The following DOK7 variants were observed in gnomAD, a reference collection of about 807,000 sequenced individuals.
The protein encoded by DOK7 is protein Dok-7.
DOK7 carries 32 observed loss-of-function variants against 30.7 expected under a neutral mutation model. The ratio of observed to expected loss-of-function variants is 1.04; its 90% CI spans 0.79 to 1.40. The LOEUF (loss-of-function observed/expected upper bound fraction) is 1.40, where lower values mean the gene tolerates loss of function less well. Among genes scored for constraint, DOK7 ranks in the 40% most tolerant of loss-of-function variants. The probability of loss-of-function intolerance (pLI) is 0.00; values close to 1 mark genes in which losing one functional copy is unlikely to be tolerated. For synonymous variants in DOK7, 447 were observed against 324.1 expected (o/e 1.38, Z -4.07); for missense variants, 1,007 against 699.2 (o/e 1.44, Z -4.97).
chr4:3,483,441 A>T (rs943144913), intron 4 of DOK7, among the ~76,000 whole-genome samples: 1 of 151,902 alleles, frequency 6.6e-6, no homozygotes, highest in Non-Finnish European at 1.5e-5. Context: ...CCAGCATTGG[A>T]GATGGGCATC....
intron 2 of DOK7, among the ~76,000 whole-genome samples, chr4:3,470,193 G>A (rs62275885): frequency 3.3e-3 from 509 of 152,282 alleles, no homozygotes; most frequent in Non-Finnish European, 5.6e-3. Context: ...CCCTGCCTCC[G>A]TCCCCATTCA....
At chr4:3,469,538 G>A (rs1041810189) in intron 2 of DOK7, among the ~76,000 whole-genome samples, 2 of 152,162 alleles carry the variant, frequency 1.3e-5, no homozygotes, top group African/African-American at 4.8e-5. Flanking sequence ...ACTCCCAGGT[G>A]CCCAGGCCTC....
intron 2 of DOK7, among the ~76,000 whole-genome samples, chr4:3,468,182 GT>G (rs1230369981): frequency 1.4e-5 from 2 of 144,170 alleles, no homozygotes; most frequent in African/African-American, 5.7e-5. Flanking sequence ...ATACCTGTGT[GT>G]GGGGGTGTGT....
At chr4:3,482,624 G>C (rs1479416334) in intron 4 of DOK7, among the ~76,000 whole-genome samples, 1 of 152,282 alleles carries the variant, frequency 6.6e-6, no homozygotes, top group Non-Finnish European at 1.5e-5. Context: ...AGGGGAAACA[G>C]AGTGGCCGGC....
At chr4:3,491,986 C>T (rs550997236) in intron 6 of DOK7, among the ~76,000 whole-genome samples, 164 of 152,376 alleles carry the variant, frequency 1.1e-3, no homozygotes, top group Middle Eastern at 0.01. Flanking sequence ...GGTCATCTCC[C>T]CTCCTGCCCT....
At chr4:3,498,255 GGGA>G (rs1729021300), downstream of DOK7, among the ~76,000 whole-genome samples, 1 of 152,196 alleles carries the variant, frequency 6.6e-6, no homozygotes, top group Non-Finnish European at 1.5e-5. Flanking sequence ...AGGAGGGGAC[GGGA>G]GGAGGAGCAC....
chr4:3,473,694 C>T (rs866791808), intron 3 of DOK7, 58 bp downstream of exon 3: 1 of 1,465,900 alleles, frequency 6.8e-7, no homozygotes, highest in African/African-American at 1.4e-5. Context: ...GCCGGGGCCC[C>T]TCACCAACGT....
At chr4:3,492,360 G>A (rs1335325264) in intron 6 of DOK7, among the ~76,000 whole-genome samples, 12 of 152,002 alleles carry the variant, frequency 7.9e-5, no homozygotes, top group African/African-American at 2.2e-4. Context: ...GCCTGGGGCC[G>A]TGATGGTGCG....
chr4:3,490,373 TC>T (rs1168218409), intron 6 of DOK7, among the ~76,000 whole-genome samples: 1 of 102,636 alleles, frequency 9.7e-6, no homozygotes, highest in Non-Finnish European at 1.9e-5. Context: ...ATTCCTTCCT[TC>T]CCCCCACCCC....
Position 3,491,340 on chromosome 4 carries a change from T to TG in DOK7, c.773-1419_773-1418insG, listed in dbSNP as rs1560229271. ...TCCCCCTGCTCATTCATTCCTTCCTTCTTCGCCTGCTTGTTCCTTCCTTCC... is the reference window on the plus strand; with the variant it reads ...TCCCCCTGCTCATTCATTCCTTCCTTGCTTCGCCTGCTTGTTCCTTCCTTCC... On this transcript the variant is annotated intron_variant, in intron 6 of 6. Coordinates refer to ENST00000340083, the MANE Select transcript of DOK7 (RefSeq NM_173660.5). Among the ~76,000 whole-genome samples the TG allele has an allele frequency of 1.4e-3, 87 of 62,770 alleles. 1 individual carries two copies. The highest frequency in any genetic ancestry group is 3.1e-3 in the African/African-American group (68 of 21,974). The allele number at this position is 62,770 out of a possible 152,430, so 41.2% of individuals were successfully genotyped here.
chr4:3,498,024 A>G (rs544534209), downstream of DOK7, among the ~76,000 whole-genome samples: 1 of 152,134 alleles, frequency 6.6e-6, no homozygotes, highest in Non-Finnish European at 1.5e-5. Context: ...GAGGATGTGA[A>G]TCTTTTCCAC....
chr4:3,489,628 G>T (rs1304514583), intron 5 of DOK7, 49 bp from the exon 6 acceptor site: 1 of 1,555,800 alleles, frequency 6.4e-7, no homozygotes, highest in Non-Finnish European at 8.7e-7. Context: ...TGCGGGCGAG[G>T]GTGGGCGGTG....
chr4:3,481,095 G>A (rs1253989815), intron 4 of DOK7, among the ~76,000 whole-genome samples: 1 of 152,106 alleles, frequency 6.6e-6, no homozygotes, highest in Non-Finnish European at 1.5e-5. Flanking sequence ...CCTGTTGGGG[G>A]GGATAGGAGG....
chr4:3,468,183 TG>T (rs201196230), intron 2 of DOK7, among the ~76,000 whole-genome samples: 2 of 145,510 alleles, frequency 1.4e-5, no homozygotes. Flanking sequence ...TACCTGTGTG[TG>T]GGGGTGTGTG....
intron 2 of DOK7, among the ~76,000 whole-genome samples, chr4:3,466,332 G>A (rs556133047): frequency 8.5e-5 from 13 of 152,130 alleles, no homozygotes; most frequent in Non-Finnish European, 1.6e-4. Context: ...CCACGGAGAC[G>A]GCGCAGGAGC....
At position 3,493,569 on chromosome 4, in the gene DOK7, G is replaced by A. The variant is rs1016983781; in HGVS notation, c.*68G>A. On this transcript the variant is annotated 3_prime_UTR_variant, in exon 7 of 7. Coordinates refer to ENST00000340083, the MANE Select transcript of DOK7 (RefSeq NM_173660.5). ...GCCCCCAGATGGCAGAGGAAGTGGC[G>A]CCAGCCTCCTTGCAGACTGGTGCTC... The A allele has an allele frequency of 1.7e-5, 27 of 1,571,030 alleles. No individual in the cohort carries two copies. The highest frequency in any genetic ancestry group is 5.4e-5 in the African/African-American group (4 of 73,656).
chr4:3,490,675 C>T (rs1182675595), intron 6 of DOK7, among the ~76,000 whole-genome samples: 1 of 82,540 alleles, frequency 1.2e-5, no homozygotes, highest in East Asian at 4.8e-4. Flanking sequence ...TTCCTCCCTT[C>T]CCCGCATTCC....
intron 4 of DOK7, among the ~76,000 whole-genome samples, chr4:3,478,605 A>G (rs1024508287): frequency 6.7e-6 from 1 of 149,186 alleles, no homozygotes; most frequent in Admixed American, 6.7e-5. Flanking sequence ...GGCTGGCCCC[A>G]CAGAACCCGC....
intron 6 of DOK7, among the ~76,000 whole-genome samples, chr4:3,491,542 C>T (rs60096917): frequency 5.5e-5 from 1 of 18,282 alleles, no homozygotes; most frequent in Admixed American, 8.6e-4. Context: ...TCTTCCTTCT[C>T]CCACCTATTC....
Sources: allele counts gnomAD v4.1 joint callset (sites outside exome capture counted in the v4.1 genomes callset), GRCh38; gene constraint gnomAD v4.1.1; transcripts MANE v1.5; gene names NCBI Gene and HGNC (gene_info 2026-07-23, HGNC 2026-07-21).